NARF: variants seen among roughly 807,000 people sequenced by gnomAD.
The protein encoded by NARF is nuclear prelamin A recognition factor.
A neutral mutation model predicts 48.0 loss-of-function variants in NARF; 41 were observed. The observed-to-expected ratio is 0.85, with a 90% CI of 0.66 to 1.11. NARF has a LOEUF of 1.11. Among genes scored for constraint, NARF ranks in the 50% least tolerant of loss-of-function variants. The pLI, the probability that NARF is intolerant of heterozygous loss-of-function variation, is 0.00. For synonymous variants in NARF, 215 were observed against 225.5 expected (o/e 0.95, Z 0.42); for missense variants, 613 against 590.2 (o/e 1.04, Z -0.40).
At chr17:82,474,804 T>C (rs756816862) in intron 5 of NARF, among the ~76,000 whole-genome samples, 2 of 152,236 alleles carry the variant, frequency 1.3e-5, no homozygotes, top group Non-Finnish European at 2.9e-5. Flanking sequence ...TGGCTCGTTA[T>C]TTGAGCTGTA....
At chr17:82,481,024 A>G in intron 6 of NARF, 58 bp from the exon 7 acceptor site, 1 of 1,610,068 alleles carries the variant, frequency 6.2e-7, no homozygotes. Flanking sequence ...CTGGGCACCA[A>G]GCGTAAGCTG....
chr17:82,459,963 C>G (rs1302574431), intron 1 of NARF, 29 bp from the exon 2 acceptor site: 1 of 1,563,768 alleles, frequency 6.4e-7, no homozygotes, highest in Non-Finnish European at 8.8e-7. Flanking sequence ...AGTAAAAGTT[C>G]ATTGATAATG....
intron 5 of NARF, 57 bp from the exon 6 acceptor site, chr17:82,478,743 T>C (rs1449273088): frequency 2.6e-6 from 4 of 1,525,048 alleles, no homozygotes; most frequent in Non-Finnish European, 3.6e-6. Flanking sequence ...CCTGGTGCGT[T>C]ACAGGAAGAC....
chr17:82,487,798 A>AAAC, intron 10 of NARF, 118 bp from the exon 11 acceptor site: 1 of 893,398 alleles, frequency 1.1e-6, no homozygotes, highest in Non-Finnish European at 1.6e-6. Flanking sequence ...CAATCTCTAC[A>AAAC]AAAAATTTAA....
At chr17:82,467,934 T>A (rs1398167382) in intron 3 of NARF, among the ~76,000 whole-genome samples, 1 of 152,226 alleles carries the variant, frequency 6.6e-6, no homozygotes, top group African/African-American at 2.4e-5. Context: ...AATTATTTAT[T>A]TTTTCCAGAT....
intron 8 of NARF, 141 bp downstream of exon 8, chr17:82,483,920 ACAACCCTCAGC>A (rs1457896387): frequency 7.0e-6 from 5 of 709,558 alleles, no homozygotes; most frequent in Non-Finnish European, 1.2e-5. Flanking sequence ...GGCCCCTGCC[ACAACCCTCAGC>A]CACCCTATAG....
chr17:82,488,256 A>G lies in NARF; in HGVS notation c.*99A>G. 4 of 1,491,628 alleles carry G rather than the reference A, an allele frequency of 2.7e-6. No homozygotes were observed. The highest frequency in any genetic ancestry group is 3.6e-6 in the Non-Finnish European group (4 of 1,121,654). 92.4% of individuals were successfully genotyped at this position (1,491,628 alleles called of 1,614,324 possible). A position where few individuals can be genotyped will look rare whatever the true frequency, so the allele number is the denominator to read the frequency against. On this transcript the variant is annotated 3_prime_UTR_variant, in exon 11 of 11. Coordinates refer to ENST00000309794, the MANE Select transcript of NARF (RefSeq NM_012336.4). ...GAGTGGAGTATTAAAGACACTTAAG[A>G]AAACCGCTCAATGGATTACTTTGGT...
rs538157797 is a variant in NARF, at chr17:82,472,636, G to A, written c.458G>A (p.Arg153His). The A allele has an allele frequency of 9.0e-5, 145 of 1,613,960 alleles. 3 individuals carry two copies. The South Asian group carries it at 1.3e-3, about 14-fold the overall frequency. ...SILESQKEFV[R>H]RYRQHSEEER... ...CTGGAGAGTCAAAAAGAATTCGTGCGTCGCTATCGCCAGCACAGTGAGGAG... is the reference window on the plus strand; with the variant it reads ...CTGGAGAGTCAAAAAGAATTCGTGCATCGCTATCGCCAGCACAGTGAGGAG... The change falls in exon 5 of 11, where the codon CGT becomes CAT. Residue 153 changes from arginine (R) to histidine (H), a missense_variant. Physicochemically the swap from Arg to His is conservative, Grantham distance 29. Transcript: ENST00000309794.
At chr17:82,462,240 G>C (rs943624891) in intron 2 of NARF, among the ~76,000 whole-genome samples, 1 of 152,202 alleles carries the variant, frequency 6.6e-6, no homozygotes, top group Non-Finnish European at 1.5e-5. Flanking sequence ...AGAGTGGTCA[G>C]AATTCAGGGT....
chr17:82,471,805 A>AAAAAAAAAAAAAAAAAAAAAAG (rs1567935705), intron 4 of NARF, among the ~76,000 whole-genome samples: 1 of 148,656 alleles, frequency 6.7e-6, no homozygotes, highest in African/African-American at 2.5e-5. Flanking sequence ...AAAAAAAAAA[A>AAAAAAAAAAAAAAAAAAAAAAG]AAGTATGCCC....
intron 6 of NARF, 36 bp downstream of exon 6, chr17:82,478,954 TGAG>T: frequency 1.9e-6 from 3 of 1,591,340 alleles, no homozygotes; most frequent in Non-Finnish European, 2.6e-6. Context: ...GAAGGGCAGG[TGAG>T]GGAGGACCAT....
intron 1 of NARF, 76 bp downstream of exon 1, chr17:82,458,906 C>T: frequency 7.8e-6 from 10 of 1,281,548 alleles, no homozygotes; most frequent in Non-Finnish European, 9.9e-6. Flanking sequence ...GTTGGCGGTC[C>T]GGGCCCGCCG....
intron 5 of NARF, among the ~76,000 whole-genome samples, chr17:82,473,275 A>G (rs2043756703): frequency 7.1e-6 from 1 of 141,648 alleles, no homozygotes; most frequent in African/African-American, 2.6e-5. Flanking sequence ...GTTTGAGACC[A>G]GCCTGGGCAA....
At chr17:82,469,834 G>A (rs1168179585) in intron 4 of NARF, among the ~76,000 whole-genome samples, 4 of 152,140 alleles carry the variant, frequency 2.6e-5, no homozygotes, top group African/African-American at 7.2e-5. Flanking sequence ...TTAATCTCTT[G>A]ACCTCGTGAT....
At chr17:82,471,285 C>T (rs997832979) in intron 4 of NARF, among the ~76,000 whole-genome samples, 2 of 150,456 alleles carry the variant, frequency 1.3e-5, no homozygotes, top group Non-Finnish European at 3.0e-5. Context: ...GAAACTCTGT[C>T]TCTACTAAAA....
Position 82,472,712 on chromosome 17 carries a change from C to A in NARF, c.520+14C>A. 1.2e-6 allele frequency: 2 copies of A among 1,605,752 alleles called. No homozygotes were observed. Among genetic ancestry groups the A allele is most frequent in the Non-Finnish European group, 1.7e-6 (2 of 1,177,224 alleles). The stretch of plus-strand genomic sequence containing the variant: ...CTGCCTGTCCTGGTGAGCCCCTGGA[C>A]CCCCGCTCTGTTGGCCTGAGGTGCC... On this transcript the variant is annotated intron_variant, in intron 5 of 10. Transcript: ENST00000309794.
chr17:82,459,055 C>T (rs576123649), intron 1 of NARF: 26 of 1,204,224 alleles, frequency 2.2e-5, no homozygotes, highest in East Asian at 2.1e-4. Context: ...ACTTGTCCAT[C>T]TTTCCCACGC....
Position 82,478,921 on chromosome 17 carries a change from A to C in NARF, c.639+3A>C. ...AGGATTATTTCGCCAGACAGCAGGT[A>C]AGCTGACCTCTCTGGAGGGCAGGAA... On this transcript the variant is annotated splice_donor_region_variant and intron_variant, in intron 6 of 10. Coordinates refer to ENST00000309794, the MANE Select transcript of NARF (RefSeq NM_012336.4). 6.2e-7 allele frequency: 1 copy of C among 1,612,690 alleles called. No individual in the cohort carries two copies. The highest frequency in any genetic ancestry group is 8.5e-7 in the Non-Finnish European group (1 of 1,179,152).
chr17:82,481,544 C>T (rs2043964988), intron 7 of NARF, among the ~76,000 whole-genome samples: 1 of 152,098 alleles, frequency 6.6e-6, no homozygotes, highest in Admixed American at 6.5e-5. Context: ...GCCTGACCAA[C>T]ATGGAGAAAC....
Sources: gnomAD v4.1 joint callset for allele counts (sites outside exome capture counted in the v4.1 genomes callset) on GRCh38, gnomAD v4.1.1 for gene constraint, MANE v1.5 for transcripts, NCBI Gene and HGNC (gene_info 2026-07-23, HGNC 2026-07-21) for gene names.